DHCR24: variants seen among roughly 807,000 people sequenced by gnomAD.
The protein encoded by DHCR24 is delta(24)-sterol reductase.
Under a neutral mutation model 61.2 loss-of-function variants are expected in DHCR24, and 28 were observed. The observed-to-expected ratio is 0.46, with a 90% CI of 0.34 to 0.63. DHCR24 has a LOEUF of 0.63. Ranked by LOEUF, DHCR24 falls within the 20% of genes least tolerant of loss-of-function variation. The pLI, the probability that DHCR24 is intolerant of heterozygous loss-of-function variation, is 0.01. For synonymous variants in DHCR24, 261 were observed against 275.9 expected (o/e 0.95, Z 0.54); for missense variants, 538 against 679.1 (o/e 0.79, Z 2.31).
rs1177684292 is a variant in DHCR24, at chr1:54,883,786, G to C, written c.232-13C>G. The stretch of plus-strand genomic sequence containing the variant: ...TCCATTCCCGCACCTGCAACCACAG[G>C]ACAGAGGGTGAGCTGGCCCCACTGG... On this transcript the variant is annotated splice_polypyrimidine_tract_variant and intron_variant, in intron 1 of 8. Coordinates refer to ENST00000371269, the MANE Select transcript of DHCR24 (RefSeq NM_014762.4). This position sits in a 1 kb window ranked among gnomAD's most constrained non-coding sequence, Gnocchi z 4.3. 6.2e-7 allele frequency: 1 copy of C among 1,613,774 alleles called. No homozygotes were observed. Among genetic ancestry groups the C allele is most frequent in the African/African-American group, 1.3e-5 (1 of 75,056 alleles).
At chr1:54,873,157 G>A (rs1375080022) in intron 4 of DHCR24, among the ~76,000 whole-genome samples, 5 of 152,170 alleles carry the variant, frequency 3.3e-5, no homozygotes, top group African/African-American at 4.8e-5. Context: ...ACATAAAGAC[G>A]TTGCAGTCAA....
At chr1:54,867,455 T>A (rs1329163788) in intron 5 of DHCR24, among the ~76,000 whole-genome samples, 1 of 152,158 alleles carries the variant, frequency 6.6e-6, no homozygotes, top group Non-Finnish European at 1.5e-5. Flanking sequence ...CCTCTGCTGC[T>A]GATTCTGGGA....
chr1:54,879,146 C>T (rs1337578743), intron 2 of DHCR24, among the ~76,000 whole-genome samples: 1 of 151,922 alleles, frequency 6.6e-6, no homozygotes, highest in Non-Finnish European at 1.5e-5. Context: ...TGGCGAAACT[C>T]CGTCTACTAA....
At chr1:54,853,048 T>C (rs1014014051) in intron 8 of DHCR24, among the ~76,000 whole-genome samples, 2 of 152,314 alleles carry the variant, frequency 1.3e-5, no homozygotes, top group Non-Finnish European at 1.5e-5. Context: ...GTGGTTTTCA[T>C]AGACAGGAAT....
intron 2 of DHCR24, among the ~76,000 whole-genome samples, chr1:54,878,514 CAAAAAAAAAA>C (rs56198608): frequency 1.1e-4 from 6 of 54,298 alleles, no homozygotes; most frequent in Admixed American, 3.1e-4. Context: ...AACTCTGTCT[CAAAAAAAAAA>C]AAAAAAAAAA....
chr1:54,875,968 A>T lies in DHCR24; in HGVS notation c.467T>A (p.Leu156Ter). The part of the protein sequence containing the change: ...LTSIGWTLPV[L>*]PELDDLTVGG... ...CACTGTGAGGTCATCAAGCTCAGGCAACACGGGGAGAGTCCAGCCAATGGA... is the reference window on the plus strand; with the variant it reads ...CACTGTGAGGTCATCAAGCTCAGGCTACACGGGGAGAGTCCAGCCAATGGA... The change falls in exon 3 of 9, where the codon TTG becomes TAG. Residue 156 changes from leucine to a stop codon, truncating the protein, a stop_gained. Transcript: ENST00000371269. LOFTEE classifies it high-confidence loss of function. 6.2e-7 allele frequency: 1 copy of T among 1,614,000 alleles called. No individual in the cohort carries two copies. Among genetic ancestry groups the T allele is most frequent in the South Asian group, 1.1e-5 (1 of 91,080 alleles).
chr1:54,882,767 T>C (rs1474976971), intron 2 of DHCR24, among the ~76,000 whole-genome samples: 1 of 152,128 alleles, frequency 6.6e-6, no homozygotes, highest in Non-Finnish European at 1.5e-5. Context: ...TATGATTCCA[T>C]TTATATAAAC....
At chr1:54,876,102 G>A in intron 2 of DHCR24, 55 bp from the exon 3 acceptor site, 6 of 1,385,574 alleles carry the variant, frequency 4.3e-6, no homozygotes, top group Non-Finnish European at 6.2e-6. Flanking sequence ...AGGCCCAAGG[G>A]GAGCTGCTGC....
chr1:54,886,795 C>T (rs1219677515), intron 1 of DHCR24, 94 bp downstream of exon 1: 5 of 1,546,724 alleles, frequency 3.2e-6, no homozygotes, highest in South Asian at 2.4e-5. Context: ...CCTGGCCGCC[C>T]CCGCACCGCA....
chr1:54,884,383 A>T (rs1380611307), intron 1 of DHCR24, among the ~76,000 whole-genome samples: 1 of 152,200 alleles, frequency 6.6e-6, no homozygotes, highest in African/African-American at 2.4e-5. Context: ...GCCTGTTTAA[A>T]CATTTGTATA....
At chr1:54,867,395 T>C (rs1646973014) in intron 5 of DHCR24, among the ~76,000 whole-genome samples, 2 of 152,214 alleles carry the variant, frequency 1.3e-5, no homozygotes, top group African/African-American at 4.8e-5. Flanking sequence ...GCCCCAGCCC[T>C]GTTCCCTCAG....
rs907262479 is a variant in DHCR24, at chr1:54,850,820, T to G, written c.*1413A>C. ...GTCTTGTCTGTAGCGATGTGACAGATGAGGAAACTGCAGCTCAGAGGACAA... is the reference window on the plus strand; with the variant it reads ...GTCTTGTCTGTAGCGATGTGACAGAGGAGGAAACTGCAGCTCAGAGGACAA... On this transcript the variant is annotated 3_prime_UTR_variant, in exon 9 of 9. Coordinates refer to ENST00000371269, the MANE Select transcript of DHCR24 (RefSeq NM_014762.4). The G allele has an allele frequency of 6.6e-6, 1 of 152,054 alleles. No individual in the cohort carries two copies. The highest frequency in any genetic ancestry group is 2.1e-4 in the South Asian group (1 of 4,824). The allele number at this position is 152,054 out of a possible 1,614,324, so 9.4% of individuals were successfully genotyped here. A position where few individuals can be genotyped will look rare whatever the true frequency, so the allele number is the denominator to read the frequency against.
In DHCR24 at chr1:54,886,937, G is replaced by A. The variant is rs753821643; in HGVS notation, c.183C>T (p.Ser61=). 3 of 1,613,472 alleles carry A rather than the reference G, an allele frequency of 1.9e-6. No individual in the cohort carries two copies. Among genetic ancestry groups the A allele is most frequent in the South Asian group, 1.1e-5 (1 of 91,062 alleles). Residue 61 remains serine, a synonymous_variant, in exon 1 of 9, where the codon AGC becomes AGT. Transcript: ENST00000371269. ...GCTGCTCGTGCAGGCGCGGAGCGCT[G>A]CTGAGCTTGAACACCACCCAGGCGC... ...YVRAWVVFKL[S]SAPRLHEQRV...
rs141290806 is a variant in DHCR24 at position 54,854,120 on chromosome 1, C to T, written c.1135G>A (p.Glu379Lys). 7 of 1,613,962 alleles carry T rather than the reference C, an allele frequency of 4.3e-6. No individual in the cohort carries two copies. The highest frequency in any genetic ancestry group is 2.2e-5 in the East Asian group (1 of 44,878). The stretch of plus-strand genomic sequence containing the variant: ...ATGTCCTGCACCACGTGGTGCTGCT[C>T]GTACAGCTTGCGCAGGGTCTCACCC... ...TQGETLRKLY[E>K]QHHVVQDMLV... is the part of the protein sequence containing the mutation. The change falls in exon 7 of 9, where the codon GAG becomes AAG. Residue 379 changes from glutamate (E) to lysine (K), a missense_variant. Physicochemically the swap from Glu to Lys is moderately conservative, Grantham distance 56. Coordinates refer to ENST00000371269, the MANE Select transcript of DHCR24 (RefSeq NM_014762.4).
At chr1:54,867,127 G>C (rs640036) in intron 5 of DHCR24, among the ~76,000 whole-genome samples, 2,731 of 152,278 alleles carry the variant, frequency 0.018, 94 homozygotes, top group African/African-American at 0.062. Context: ...AGCTGAGGAG[G>C]CCAGGTGGCT....
intron 6 of DHCR24, among the ~76,000 whole-genome samples, chr1:54,862,956 G>C (rs1215808650): frequency 6.6e-6 from 1 of 151,542 alleles, no homozygotes; most frequent in East Asian, 1.9e-4. Flanking sequence ...GGCGCCTATA[G>C]TCCCAGCTAC....
chr1:54,856,476 G>A (rs915957768), intron 6 of DHCR24, among the ~76,000 whole-genome samples: 5 of 151,958 alleles, frequency 3.3e-5, no homozygotes, highest in Admixed American at 6.6e-5. Context: ...TGGCGGGTGC[G>A]TGTAATCCCA....
intron 6 of DHCR24, among the ~76,000 whole-genome samples, chr1:54,859,305 C>G (rs759188157): frequency 7.9e-5 from 12 of 152,064 alleles, no homozygotes; most frequent in Non-Finnish European, 1.3e-4. Flanking sequence ...AGTCCCTGAG[C>G]CAGGACCACC....
At chr1:54,877,316 C>T (rs1647038970) in intron 2 of DHCR24, among the ~76,000 whole-genome samples, 1 of 151,848 alleles carries the variant, frequency 6.6e-6, no homozygotes, top group African/African-American at 2.4e-5. Context: ...CATCTCTTAT[C>T]ATTACACATT....
Sources: gnomAD v4.1 joint callset for allele counts (sites outside exome capture counted in the v4.1 genomes callset) on GRCh38, gnomAD v4.1.1 for gene constraint, Gnocchi (gnomAD v3.1) non-coding constraint, MANE v1.5 for transcripts, NCBI Gene and HGNC (gene_info 2026-07-23, HGNC 2026-07-21) for gene names.